HYAL4: variants seen among roughly 807,000 people sequenced by gnomAD.
The protein encoded by HYAL4 is hyaluronidase-4.
A neutral mutation model predicts 35.2 loss-of-function variants in HYAL4; 37 were observed. The ratio of observed to expected loss-of-function variants is 1.05; its 90% CI spans 0.81 to 1.38. The LOEUF is 1.38. Among genes scored for constraint, HYAL4 ranks in the 40% most tolerant of loss-of-function variants. The pLI is 0.00. For missense variants in HYAL4, 572 were observed against 572.4 expected, an observed-to-expected ratio of 1.00 and a Z score of 0.01; for synonymous variants, 198 against 203.2, an observed-to-expected ratio of 0.97 and a Z score of 0.22.
the HYAL4 span, among the ~76,000 whole-genome samples, chr7:123,771,366 A>G: frequency 2.0e-5 from 3 of 152,162 alleles, no homozygotes; most frequent in African/African-American, 7.2e-5. Flanking sequence ...GTGTTGCTGT[A>G]TCTTAGTACT....
chr7:123,809,265 A>G, the HYAL4 span, among the ~76,000 whole-genome samples: 1 of 152,164 alleles, frequency 6.6e-6, no homozygotes, highest in Non-Finnish European at 1.5e-5. Flanking sequence ...AGAATCCCCT[A>G]GATCAAATAC....
chr7:123,821,552 C>T, the HYAL4 span, among the ~76,000 whole-genome samples: 1 of 152,066 alleles, frequency 6.6e-6, no homozygotes, highest in Non-Finnish European at 1.5e-5. Flanking sequence ...GGATATTGAC[C>T]TCTATCAGAC....
At chr7:123,833,840 G>T (rs1805920661) in intron 1 of HYAL4, among the ~76,000 whole-genome samples, 1 of 152,038 alleles carries the variant, frequency 6.6e-6, no homozygotes, top group Admixed American at 6.5e-5. Context: ...GTTGAAAAGG[G>T]TGTCCTTTCC....
chr7:123,801,589 G>A, the HYAL4 span, among the ~76,000 whole-genome samples: 1 of 152,098 alleles, frequency 6.6e-6, no homozygotes, highest in African/African-American at 2.4e-5. Flanking sequence ...CAGTTTAAAC[G>A]TTCTCTATAA....
the HYAL4 span, among the ~76,000 whole-genome samples, chr7:123,790,072 T>G: frequency 1.3e-5 from 2 of 152,156 alleles, no homozygotes; most frequent in African/African-American, 4.8e-5. Flanking sequence ...AATTTCTTCT[T>G]TGAGGCGGGG....
At chr7:123,787,107 C>CA in the HYAL4 span, among the ~76,000 whole-genome samples, 5,199 of 48,564 alleles carry the variant, frequency 0.11, 418 homozygotes, top group African/African-American at 0.24. Flanking sequence ...AACTCTGTCT[C>CA]AAAAAAAAAA....
At chr7:123,800,497 T>A in the HYAL4 span, among the ~76,000 whole-genome samples, 7 of 148,430 alleles carry the variant, frequency 4.7e-5, no homozygotes, top group East Asian at 4.0e-4. Context: ...AAAAAAAAAT[T>A]AAAAAAAAAG....
At chr7:123,817,038 G>A in the HYAL4 span, among the ~76,000 whole-genome samples, 2 of 152,070 alleles carry the variant, frequency 1.3e-5, no homozygotes, top group African/African-American at 2.4e-5. Flanking sequence ...TTCCTATAAC[G>A]CAGGAAAGCT....
the HYAL4 span, among the ~76,000 whole-genome samples, chr7:123,819,097 CCTAACCA>C: frequency 1.3e-5 from 2 of 152,288 alleles, no homozygotes; most frequent in Non-Finnish European, 2.9e-5. Context: ...CCCTCTCCCT[CCTAACCA>C]CCTCAGCCTC....
Position 123,832,479 on chromosome 7 carries a change from CTTTTTTTTTTTTTTTTT to C in HYAL4, c.-257+3377_-257+3393del, listed in dbSNP as rs71163703. On this transcript the variant is annotated intron_variant, in intron 1 of 4. Coordinates refer to the HYAL4 transcript ENST00000489978. ...AGTCCCCAAAGTCTATTGTGTCATA[CTTTTTTTTTTTTTTTTT>C]TTTTTTTTTTTTTTTTTTTTTGAGA... Among the ~76,000 whole-genome samples, 50 of 21,838 alleles carry C rather than the reference CTTTTTTTTTTTTTTTTT, an allele frequency of 2.3e-3. 1 individual carries two copies. The highest frequency in any genetic ancestry group is 9.5e-3 in the African/African-American group (34 of 3,590). The allele number at this position is 21,838 out of a possible 152,430, so 14.3% of individuals were successfully genotyped here. A position where few individuals can be genotyped will look rare whatever the true frequency, so the allele number is the denominator to read the frequency against.
intron 2 of HYAL4, among the ~76,000 whole-genome samples, chr7:123,865,453 T>A (rs1806665121): frequency 6.6e-6 from 1 of 152,158 alleles, no homozygotes; most frequent in South Asian, 2.1e-4. Context: ...ACTATTCTCT[T>A]CAAATCATAA....
At chr7:123,842,867 C>T (rs1219077538), upstream of HYAL4, among the ~76,000 whole-genome samples, 1 of 151,824 alleles carries the variant, frequency 6.6e-6, no homozygotes, top group East Asian at 1.9e-4. Flanking sequence ...CCTCCTCTAT[C>T]CCTTTATTTT....
the HYAL4 span, among the ~76,000 whole-genome samples, chr7:123,816,069 C>T: frequency 6.6e-6 from 1 of 152,146 alleles, no homozygotes; most frequent in Non-Finnish European, 1.5e-5. Context: ...ACTAACCCAT[C>T]TCCTACCCAA....
rs1298176082 is a variant in HYAL4, at chr7:123,845,211, T to TTC, written c.-595_-594insCT. On this transcript the variant is annotated 5_prime_UTR_variant, in exon 1 of 5. The change creates a premature stop within an existing upstream ORF in the 5' untranslated region. Coordinates refer to ENST00000223026, the MANE Select transcript of HYAL4 (RefSeq NM_012269.3). ...CTATCTATTTCTTTTCCTTTTTTTT[T>TTC]TTTTTTTTTTTTTTTGAGATGAAGT... is the stretch of plus-strand genomic sequence containing the variant. The TTC allele has an allele frequency of 2.2e-5, 3 of 139,302 alleles. No homozygotes were observed. Among genetic ancestry groups the TTC allele is most frequent in the African/African-American group, 8.1e-5 (3 of 37,158 alleles). The allele number at this position is 139,302 out of a possible 1,614,324, so 8.6% of individuals were successfully genotyped here. A position where few individuals can be genotyped will look rare whatever the true frequency, so the allele number is the denominator to read the frequency against.
chr7:123,778,650 C>T, the HYAL4 span, among the ~76,000 whole-genome samples: 22 of 151,998 alleles, frequency 1.4e-4, no homozygotes, highest in Admixed American at 9.8e-4. Flanking sequence ...GTTGTGATCT[C>T]GGGCGCCACA....
At chr7:123,854,579 TGA>T (rs1806386963) in intron 2 of HYAL4, among the ~76,000 whole-genome samples, 1 of 152,226 alleles carries the variant, frequency 6.6e-6, no homozygotes, top group South Asian at 2.1e-4. Context: ...GACTGTGGTC[TGA>T]GAGACTGTTT....
intron 2 of HYAL4, 51 bp from the exon 3 acceptor site, chr7:123,868,172 G>A (rs1794762594): frequency 3.8e-6 from 2 of 524,418 alleles, no homozygotes; most frequent in African/African-American, 1.9e-5. Flanking sequence ...TTTATTATTT[G>A]AGTCTTTTTC....
At chr7:123,840,850 C>T (rs1314675884), upstream of HYAL4, among the ~76,000 whole-genome samples, 3 of 151,954 alleles carry the variant, frequency 2.0e-5, no homozygotes, top group Admixed American at 2.0e-4. Flanking sequence ...GTCCTGAGAC[C>T]TTGCTGAAGT....
chr7:123,863,024 A>G (rs1365100743), intron 2 of HYAL4, among the ~76,000 whole-genome samples: 1 of 152,140 alleles, frequency 6.6e-6, no homozygotes, highest in Non-Finnish European at 1.5e-5. Flanking sequence ...GCTTTCCCTC[A>G]TACTTCCCCA....
Sources: allele counts gnomAD v4.1 joint callset (sites outside exome capture counted in the v4.1 genomes callset), GRCh38; gene constraint gnomAD v4.1.1; transcripts MANE v1.5; gene names NCBI Gene and HGNC (gene_info 2026-07-23, HGNC 2026-07-21).